MAP4: variants seen among roughly 807,000 people sequenced by gnomAD.
The protein encoded by MAP4 is microtubule-associated protein 4.
In MAP4, 76 loss-of-function variants were observed where a neutral mutation model predicts 170.2. The ratio of observed to expected loss-of-function variants is 0.45; its 90% CI spans 0.37 to 0.54. MAP4 has a LOEUF of 0.54. Among genes scored for constraint, MAP4 ranks in the 20% least tolerant of loss-of-function variants. MAP4 has a pLI of 0.00. For synonymous variants in MAP4, 909 were observed against 994.5 expected, an observed-to-expected ratio of 0.91 and a Z score of 1.62; for missense variants, 2,506 against 2,748.0, an observed-to-expected ratio of 0.91 and a Z score of 1.97.
At position 47,924,841 on chromosome 3, in the gene MAP4, C is replaced by T. The variant is rs1158957922; in HGVS notation, c.416-2963G>A. On this transcript the variant is annotated intron_variant, in intron 4 of 20. Coordinates refer to ENST00000683076, the MANE Select transcript of MAP4 (RefSeq NM_001385682.1). ...ATTTTTTTTTTTTGAGATGGAGTCT[C>T]GCTCTGTCGCCCAGGCTGGAGTGCA... Among the ~76,000 whole-genome samples, 5 of 151,144 alleles carry T rather than the reference C, an allele frequency of 3.3e-5. No individual in the cohort carries two copies. The East Asian group carries it at 5.8e-4, about 18-fold the overall frequency.
At chr3:48,032,840 T>C (rs1173301243) in intron 1 of MAP4, among the ~76,000 whole-genome samples, 1 of 152,166 alleles carries the variant, frequency 6.6e-6, no homozygotes, top group Non-Finnish European at 1.5e-5. Flanking sequence ...CACTGCAAAC[T>C]AGCTGACTCT....
At chr3:47,898,493 T>G (rs1024584219) in intron 10 of MAP4, among the ~76,000 whole-genome samples, 9 of 139,360 alleles carry the variant, frequency 6.5e-5, no homozygotes, top group Non-Finnish European at 1.2e-4. Context: ...AGGGCGAGAC[T>G]CCGCCTCAAA....
chr3:47,864,811 G>A (rs2076572348), intron 17 of MAP4, among the ~76,000 whole-genome samples: 1 of 152,232 alleles, frequency 6.6e-6, no homozygotes, highest in Non-Finnish European at 1.5e-5. Context: ...AGGTTGCAGT[G>A]AGCCGAGATT....
chr3:48,081,305 AAAAT>A (rs1040860757), intron 1 of MAP4, among the ~76,000 whole-genome samples: 34 of 151,706 alleles, frequency 2.2e-4, no homozygotes, highest in South Asian at 1.2e-3. Context: ...ATAAATAAAT[AAAAT>A]AAATAAATAA....
intron 1 of MAP4, among the ~76,000 whole-genome samples, chr3:48,053,630 A>G (rs951967396): frequency 6.6e-6 from 1 of 152,164 alleles, no homozygotes; most frequent in Admixed American, 6.5e-5. Flanking sequence ...AACTCTCTCT[A>G]GTATATAAGT....
At chr3:47,876,394 G>A (rs1238586736) in intron 11 of MAP4, among the ~76,000 whole-genome samples, 1 of 152,132 alleles carries the variant, frequency 6.6e-6, no homozygotes, top group South Asian at 2.1e-4. Flanking sequence ...GCCTCCCAAG[G>A]TGCTGGGATT....
intron 10 of MAP4, among the ~76,000 whole-genome samples, chr3:47,894,166 C>T (rs1386150916): frequency 1.3e-5 from 2 of 152,122 alleles, no homozygotes; most frequent in African/African-American, 4.8e-5. Context: ...AAGCACAATA[C>T]AGATTAACTG....
intron 1 of MAP4, among the ~76,000 whole-genome samples, chr3:48,004,618 T>C (rs950596562): frequency 2.0e-5 from 3 of 152,178 alleles, no homozygotes; most frequent in Non-Finnish European, 4.4e-5. Flanking sequence ...GCTCTTATCA[T>C]GCGAGTGGCT....
intron 3 of MAP4, among the ~76,000 whole-genome samples, chr3:47,953,506 A>T (rs1334451941): frequency 6.6e-6 from 1 of 152,182 alleles, no homozygotes; most frequent in Admixed American, 6.5e-5. Context: ...TGAGTGACCG[A>T]GTGAGAGCCT....
At chr3:47,928,518 T>C (rs1052788707) in intron 3 of MAP4, among the ~76,000 whole-genome samples, 168 bp from the exon 4 acceptor site, 3 of 152,156 alleles carry the variant, frequency 2.0e-5, no homozygotes, top group African/African-American at 7.2e-5. Flanking sequence ...AGGAGCTGGG[T>C]GCAATGGTGC....
upstream of MAP4, among the ~76,000 whole-genome samples, chr3:48,019,947 G>C (rs1389776443): frequency 6.6e-6 from 1 of 152,206 alleles, no homozygotes; most frequent in African/African-American, 2.4e-5. Context: ...TTTTATATCA[G>C]TGAAAATAAA....
At chr3:47,876,321 C>T (rs2095416344) in intron 11 of MAP4, among the ~76,000 whole-genome samples, 1 of 151,822 alleles carries the variant, frequency 6.6e-6, no homozygotes, top group South Asian at 2.1e-4. Flanking sequence ...TTAATAAAGA[C>T]GGGGTTTCAC....
chr3:47,909,144 T>C lies in MAP4; in HGVS notation c.5277A>G (p.Glu1759=), dbSNP rs186259252. The change falls in exon 9 of 21, where the codon GAA becomes GAG. Residue 1759 remains glutamate (E), a synonymous_variant. Transcript: ENST00000683076. ...GKKEDKSRMA[E]PMKGYMRPTK... ...TGGGTCTCATGTAGCCTTTCATTGG[T>C]TCTGCCATTCTGCTTTTATCTTCCT... 1,706 of 1,612,338 alleles carry C rather than the reference T, an allele frequency of 1.1e-3. 13 individuals are homozygous for C. In the African/African-American group the frequency reaches 0.016, roughly 15 times the overall value.
At chr3:47,942,122 A>C (rs947751718) in intron 3 of MAP4, among the ~76,000 whole-genome samples, 1 of 152,174 alleles carries the variant, frequency 6.6e-6, no homozygotes, top group African/African-American at 2.4e-5. Context: ...TTCCCTGCAG[A>C]AAGTCAAGAA....
rs572397262 is a variant in MAP4 at position 48,024,971 on chromosome 3, G to A, written c.-19-26092C>T. On this transcript the variant is annotated intron_variant, in intron 1 of 18. Transcript: ENST00000360240. The stretch of plus-strand genomic sequence containing the variant: ...ATCATTTCTTTTTCTTTTTTTTTTT[G>A]AAGCAGGGTCTCACTCTGGTGTCCA... Among the ~76,000 whole-genome samples, 134 of 142,234 alleles carry A rather than the reference G, an allele frequency of 9.4e-4. 2 individuals carry two copies. The highest frequency in any genetic ancestry group is 1.8e-4 in the Non-Finnish European group (12 of 66,606). The allele number at this position is 142,234 out of a possible 152,430, so 93.3% of individuals were successfully genotyped here.
rs374208589 is a variant in MAP4, at chr3:47,863,937, T to TGTGTGTGTGGGGGG, written c.6501+3308_6501+3309insCCCCCCACACACAC. Among the ~76,000 whole-genome samples, 539 of 138,408 alleles carry TGTGTGTGTGGGGGG rather than the reference T, an allele frequency of 3.9e-3. 10 individuals carry two copies. Among genetic ancestry groups the TGTGTGTGTGGGGGG allele is most frequent in the African/African-American group, 0.011 (390 of 36,624 alleles). 90.8% of individuals were successfully genotyped at this position (138,408 alleles called of 152,430 possible). ...GTGGGTGTGGGTGTGTGTGTGTGTG[T>TGTGTGTGTGGGGGG]GGGGAGTGGTGGGGGGTGTAATGCT... On this transcript the variant is annotated intron_variant, in intron 17 of 20. Coordinates refer to ENST00000683076, the MANE Select transcript of MAP4 (RefSeq NM_001385682.1).
intron 3 of MAP4, among the ~76,000 whole-genome samples, chr3:47,941,220 CAAAAAAAAAAA>C (rs745693695): frequency 2.4e-4 from 11 of 45,838 alleles, no homozygotes; most frequent in Non-Finnish European, 3.3e-4. Context: ...CTATCTCTAC[CAAAAAAAAAAA>C]AAAAAAAAAA....
intron 3 of MAP4, among the ~76,000 whole-genome samples, chr3:47,929,254 C>G (rs1053702077): frequency 3.3e-5 from 5 of 152,102 alleles, no homozygotes; most frequent in Admixed American, 2.6e-4. Flanking sequence ...ACTCAGGAGG[C>G]TGAGGCACGA....
chr3:47,944,096 G>T (rs543628919), intron 3 of MAP4, among the ~76,000 whole-genome samples: 1 of 152,046 alleles, frequency 6.6e-6, no homozygotes, highest in African/African-American at 2.4e-5. Context: ...TGGATCACAA[G>T]GTCAGGAGAT....
Sources: allele counts gnomAD v4.1 joint callset (sites outside exome capture counted in the v4.1 genomes callset), GRCh38; gene constraint gnomAD v4.1.1; transcripts MANE v1.5; gene names NCBI Gene and HGNC (gene_info 2026-07-23, HGNC 2026-07-21).